SERINC3: variants seen among roughly 807,000 people sequenced by gnomAD.
SERINC3 encodes serine incorporator 3, also known as tumor differentially expressed protein 1.
A neutral mutation model predicts 52.1 loss-of-function variants in SERINC3; 22 were observed. That is an observed-to-expected ratio of 0.42 (90% confidence interval 0.30 to 0.60). SERINC3 has a LOEUF of 0.60. Ranked by LOEUF, SERINC3 falls within the 20% of genes least tolerant of loss-of-function variation. SERINC3 has a pLI of 0.16. For synonymous variants in SERINC3, 226 were observed against 212.7 expected, an observed-to-expected ratio of 1.06 and a Z score of -0.54; for missense variants, 564 against 584.6, an observed-to-expected ratio of 0.96 and a Z score of 0.36.
At chr20:44,503,262 C>T (rs1488504209) in intron 8 of SERINC3, among the ~76,000 whole-genome samples, 1 of 152,136 alleles carries the variant, frequency 6.6e-6, no homozygotes, top group South Asian at 2.1e-4. Context: ...ACAAGCTGAT[C>T]CTGAAATTCA....
intron 8 of SERINC3, among the ~76,000 whole-genome samples, chr20:44,502,585 C>CAAAAAAA (rs1276917464): frequency 1.4e-5 from 1 of 73,630 alleles, no homozygotes; most frequent in African/African-American, 4.4e-5. Flanking sequence ...TTCTTCTCTT[C>CAAAAAAA]AAAAAAAAAA....
chr20:44,512,486 GAA>G (rs1265253840), intron 3 of SERINC3, among the ~76,000 whole-genome samples: 1 of 152,038 alleles, frequency 6.6e-6, no homozygotes, highest in African/African-American at 2.4e-5. Context: ...ACAACAGAAA[GAA>G]AAAAGTGTGT....
intron 6 of SERINC3, among the ~76,000 whole-genome samples, chr20:44,505,335 T>C (rs1262999584): frequency 6.6e-6 from 1 of 152,206 alleles, no homozygotes; most frequent in Non-Finnish European, 1.5e-5. Flanking sequence ...TTTTTTTCTT[T>C]TTTTTCTGAG....
At chr20:44,515,906 C>T (rs1221845794) in intron 1 of SERINC3, among the ~76,000 whole-genome samples, 1 of 152,082 alleles carries the variant, frequency 6.6e-6, no homozygotes, top group South Asian at 2.1e-4. Context: ...TCCACCCACA[C>T]TGGCCACCGA....
Position 44,514,022 on chromosome 20 carries a change from C to A in SERINC3, c.58G>T (p.Gly20Cys). 1.9e-6 allele frequency: 3 copies of A among 1,613,916 alleles called. No homozygotes were observed. Among genetic ancestry groups the A allele is most frequent in the Non-Finnish European group, 2.5e-6 (3 of 1,179,904 alleles). Reference sequence around the variant, plus strand: ...CAACTACACAGCAAACATGAGGCACCGCTGCAGAGGCATGGAACCTGGAAT... The same window carrying A: ...CAACTACACAGCAAACATGAGGCACAGCTGCAGAGGCATGGAACCTGGAAT... ...LASWVPCLCS[G>C]ASCLLCSCCP... Residue 20 changes from glycine (G) to cysteine (C), a missense_variant, in exon 2 of 10, where the codon GGT (glycine) becomes TGT (cysteine). Transcript: ENST00000342374.
chr20:44,518,743 T>C (rs573855995), intron 1 of SERINC3, among the ~76,000 whole-genome samples: 20 of 152,172 alleles, frequency 1.3e-4, no homozygotes, highest in South Asian at 8.3e-4. Context: ...GGTGGGCAGA[T>C]CACCTGAGGT....
Position 44,513,970 on chromosome 20 carries a change from A to G in SERINC3, c.110T>C (p.Val37Ala), listed in dbSNP as rs759151726. 4.3e-6 allele frequency: 7 copies of G among 1,614,078 alleles called. No homozygotes were observed. The South Asian group carries it at 7.7e-5, about 18-fold the overall frequency. Residue 37 changes from valine to alanine, a missense_variant, in exon 2 of 10, where the codon GTG becomes GCG. Val to Ala is a moderately conservative substitution (Grantham distance 64). Transcript: ENST00000342374. ...AATGAAAGCATAAATGAGGCGAGTC[A>G]CCGTGGAATTCTTACTGTTAGGACA... ...SCCPNSKNSTVTRLIYAFILL... is the reference protein window; with the variant it reads ...SCCPNSKNSTATRLIYAFILL...
rs986638099 is a variant in SERINC3, at chr20:44,498,445, G to C, written c.*1851C>G. 3 of 152,176 alleles carry C rather than the reference G, an allele frequency of 2.0e-5. No individual in the cohort carries two copies. The highest frequency in any genetic ancestry group is 7.2e-5 in the African/African-American group (3 of 41,410). The allele number at this position is 152,176 out of a possible 1,614,324, so 9.4% of individuals were successfully genotyped here. On this transcript the variant is annotated 3_prime_UTR_variant, in exon 10 of 10. Coordinates refer to ENST00000342374, the MANE Select transcript of SERINC3 (RefSeq NM_006811.4). ...AAAAAAATTAGCCAGGCGTGGTGGT[G>C]GGTGCCTGTAGTCCCAGCTACTAGG... is the stretch of plus-strand genomic sequence containing the variant.
intron 3 of SERINC3, among the ~76,000 whole-genome samples, chr20:44,512,096 T>C (rs1047231252): frequency 3.3e-5 from 5 of 152,130 alleles, no homozygotes; most frequent in African/African-American, 1.2e-4. Flanking sequence ...GCGGACCACC[T>C]GAGGTCACGA....
chr20:44,498,696 G>C lies in SERINC3; in HGVS notation c.*1600C>G, dbSNP rs748300444. ...TTCACATCTCATATGGACTGCACCT[G>C]GTCTCATCTCTCTAAATCCATTCTC... On this transcript the variant is annotated 3_prime_UTR_variant, in exon 10 of 10. Coordinates refer to ENST00000342374, the MANE Select transcript of SERINC3 (RefSeq NM_006811.4). 6.6e-5 allele frequency: 10 copies of C among 152,040 alleles called. No individual in the cohort carries two copies. Among genetic ancestry groups the C allele is most frequent in the Non-Finnish European group, 1.5e-4 (10 of 68,020 alleles). 9.4% of individuals were successfully genotyped at this position (152,040 alleles called of 1,614,324 possible).
intron 4 of SERINC3, among the ~76,000 whole-genome samples, chr20:44,511,085 T>C (rs2064344436): frequency 6.6e-6 from 1 of 151,976 alleles, no homozygotes; most frequent in Non-Finnish European, 1.5e-5. Flanking sequence ...GGCTAATTTT[T>C]GTATTTTTAG....
At chr20:44,515,598 G>A (rs1454097672) in intron 1 of SERINC3, among the ~76,000 whole-genome samples, 1 of 152,066 alleles carries the variant, frequency 6.6e-6, no homozygotes, top group African/African-American at 2.4e-5. Flanking sequence ...CGACGAACTA[G>A]ACAGATGTGA....
chr20:44,502,109 TAGTAAA>T (rs1302312808), intron 8 of SERINC3, among the ~76,000 whole-genome samples: 3 of 152,160 alleles, frequency 2.0e-5, no homozygotes, highest in Non-Finnish European at 4.4e-5. Context: ...TCCAACAATG[TAGTAAA>T]ATTCTAGCCA....
At chr20:44,518,080 C>T (rs1056672550) in intron 1 of SERINC3, among the ~76,000 whole-genome samples, 22 of 152,114 alleles carry the variant, frequency 1.4e-4, no homozygotes, top group Non-Finnish European at 3.2e-4. Flanking sequence ...GTATCCTTAG[C>T]TATCACCTTT....
chr20:44,520,505 C>T (rs2123079191), intron 1 of SERINC3, among the ~76,000 whole-genome samples: 1 of 152,254 alleles, frequency 6.6e-6, no homozygotes, highest in African/African-American at 2.4e-5. Flanking sequence ...AATACAGAAA[C>T]AGAAAACCAA....
intron 5 of SERINC3, among the ~76,000 whole-genome samples, chr20:44,508,086 T>C (rs917200429): frequency 6.6e-6 from 1 of 152,242 alleles, no homozygotes; most frequent in Non-Finnish European, 1.5e-5. Flanking sequence ...ACTTAATGTT[T>C]TCACCTCTGA....
rs760161466 is a variant in SERINC3, at chr20:44,506,850, T to C, written c.760A>G (p.Ile254Val). Residue 254 changes from isoleucine to valine, a missense_variant, in exon 6 of 10, where the codon ATA becomes GTA. By Grantham distance (29) the Ile-to-Val change is conservative. Coordinates refer to ENST00000342374, the MANE Select transcript of SERINC3 (RefSeq NM_006811.4). ...NLILCVVASI[I>V]SIHPKIQEHQ... ...ACCTGAATTTTTGGGTGGATCGATA[T>C]AATAGAAGCCACAACGCAAAGGATC... The C allele has an allele frequency of 6.3e-7, 1 of 1,590,318 alleles. No individual in the cohort carries two copies. Among genetic ancestry groups the C allele is most frequent in the South Asian group, 1.2e-5 (1 of 85,000 alleles).
Position 44,501,122 on chromosome 20 carries a change from G to T in SERINC3, c.1234C>A (p.Leu412Ile). ...ATGATGTACAAGGAAGCCAAGCAGA[G>T]CATGAGGTGGAATAAGGAGTAGCTA... is the stretch of plus-strand genomic sequence containing the variant. ...QYSYSLFHLM[L>I]CLASLYIMMT... Residue 412 changes from leucine (L) to isoleucine (I), a missense_variant, in exon 9 of 10, where the codon CTC becomes ATC. Coordinates refer to ENST00000342374, the MANE Select transcript of SERINC3 (RefSeq NM_006811.4). The T allele has an allele frequency of 6.2e-7, 1 of 1,614,094 alleles. No individual in the cohort carries two copies. The highest frequency in any genetic ancestry group is 8.5e-7 in the Non-Finnish European group (1 of 1,180,012).
At chr20:44,505,743 G>A (rs987836482) in intron 6 of SERINC3, among the ~76,000 whole-genome samples, 6 of 151,982 alleles carry the variant, frequency 3.9e-5, no homozygotes, top group African/African-American at 1.4e-4. Context: ...TGGGATTACA[G>A]GTGTGCGCCC....
Sources: gnomAD v4.1 joint callset for allele counts (sites outside exome capture counted in the v4.1 genomes callset) on GRCh38, gnomAD v4.1.1 for gene constraint, MANE v1.5 for transcripts, NCBI Gene and HGNC (gene_info 2026-07-23, HGNC 2026-07-21) for gene names.